YEATS4: variants seen among roughly 807,000 people sequenced by gnomAD.
YEATS4 encodes the protein YEATS domain-containing protein 4.
YEATS4 carries 17 observed loss-of-function variants against 30.1 expected under a neutral mutation model. The ratio of observed to expected loss-of-function variants is 0.56; its 90% CI spans 0.39 to 0.85. YEATS4 has a LOEUF of 0.85. Ranked by LOEUF, YEATS4 falls within the 40% of genes least tolerant of loss-of-function variation. The pLI is 0.00. For synonymous variants in YEATS4, 85 were observed against 87.5 expected (o/e 0.97, Z 0.16); for missense variants, 142 against 268.3 (o/e 0.53, Z 3.29).
At chr12:69,407,237 G>A in the YEATS4 span, among the ~76,000 whole-genome samples, 5 of 151,234 alleles carry the variant, frequency 3.3e-5, no homozygotes, top group African/African-American at 9.7e-5. Context: ...TTCCCTTTAA[G>A]AGCAAAGGTT....
the YEATS4 span, among the ~76,000 whole-genome samples, chr12:69,398,229 CA>C: frequency 2.0e-5 from 3 of 151,926 alleles, no homozygotes; most frequent in African/African-American, 7.3e-5. Flanking sequence ...GAATAAAAGT[CA>C]TCCAGATTAG....
chr12:69,424,255 A>C, the YEATS4 span, among the ~76,000 whole-genome samples: 3 of 152,180 alleles, frequency 2.0e-5, no homozygotes, highest in Non-Finnish European at 2.9e-5. Flanking sequence ...AATGCCTTAT[A>C]TGTGGCCATC....
At chr12:69,388,765 G>A (rs935150417) in intron 6 of YEATS4, among the ~76,000 whole-genome samples, 1 of 152,124 alleles carries the variant, frequency 6.6e-6, no homozygotes, top group Admixed American at 6.6e-5. Flanking sequence ...TCTGTACCAG[G>A]CAGTATTCTG....
chr12:69,384,797 A>G (rs1876207892), intron 6 of YEATS4, among the ~76,000 whole-genome samples: 1 of 152,220 alleles, frequency 6.6e-6, no homozygotes, highest in Non-Finnish European at 1.5e-5. Flanking sequence ...TGCAGAAAAT[A>G]TGGCAAAGAA....
At chr12:69,395,620 A>G (rs571649276), downstream of YEATS4, among the ~76,000 whole-genome samples, 54 of 152,348 alleles carry the variant, frequency 3.5e-4, no homozygotes, top group Non-Finnish European at 6.2e-4. Context: ...ATAAGAATGT[A>G]TTTCATTTGA....
intron 1 of YEATS4, among the ~76,000 whole-genome samples, chr12:69,360,932 TCA>T (rs1875176890): frequency 6.7e-6 from 1 of 148,482 alleles, no homozygotes; most frequent in South Asian, 2.3e-4. Flanking sequence ...GCAAGGTGGC[TCA>T]CGCCTGTAAT....
rs115409818 is a variant in YEATS4 at position 69,386,535 on chromosome 12, C to T, written c.515-3612C>T. ...TTGAATCCAGTCTACTCTTGTCGTT[C>T]CCTATGATTACCTCATAACATTAGT... On this transcript the variant is annotated intron_variant, in intron 6 of 6. Transcript: ENST00000247843. 2.6e-3 allele frequency among the ~76,000 whole-genome samples: 398 copies of T among 152,294 alleles called. 1 individual carries two copies. Among genetic ancestry groups the T allele is most frequent in the African/African-American group, 9.1e-3 (377 of 41,564 alleles).
intron 6 of YEATS4, among the ~76,000 whole-genome samples, chr12:69,389,450 CAAAA>C (rs11333279): frequency 4.0e-5 from 4 of 99,468 alleles, no homozygotes; most frequent in South Asian, 3.6e-4. Context: ...GACTCCATCT[CAAAA>C]AAAAAAAAAA....
chr12:69,404,238 C>A, the YEATS4 span, among the ~76,000 whole-genome samples: 6 of 152,164 alleles, frequency 3.9e-5, no homozygotes, highest in Non-Finnish European at 7.4e-5. Flanking sequence ...AACTTATCTC[C>A]TATTTCAATC....
chr12:69,398,656 A>T, the YEATS4 span, among the ~76,000 whole-genome samples: 1 of 151,810 alleles, frequency 6.6e-6, no homozygotes, highest in East Asian at 1.9e-4. Context: ...CTACTAAAAA[A>T]ATATAAAAAT....
downstream of YEATS4, among the ~76,000 whole-genome samples, chr12:69,394,872 A>G (rs1349471371): frequency 6.6e-6 from 1 of 152,162 alleles, no homozygotes; most frequent in African/African-American, 2.4e-5. Context: ...ATGAGCCACC[A>G]TGCCTAGCTT....
intron 6 of YEATS4, among the ~76,000 whole-genome samples, chr12:69,377,351 T>G (rs1048910833): frequency 6.6e-6 from 1 of 152,234 alleles, no homozygotes; most frequent in African/African-American, 2.4e-5. Context: ...CTGTGTTGTT[T>G]CCATTATCTG....
At chr12:69,367,026 A>G (rs1292228240) in intron 4 of YEATS4, among the ~76,000 whole-genome samples, 1 of 152,174 alleles carries the variant, frequency 6.6e-6, no homozygotes, top group African/African-American at 2.4e-5. Flanking sequence ...AATGACGTAG[A>G]CTTACTCTTT....
the YEATS4 span, among the ~76,000 whole-genome samples, chr12:69,399,550 T>TA: frequency 2.0e-5 from 3 of 152,164 alleles, no homozygotes; most frequent in Admixed American, 6.5e-5. Flanking sequence ...GGTAAAAATG[T>TA]AAAAAGATGC....
At chr12:69,398,821 A>C in the YEATS4 span, among the ~76,000 whole-genome samples, 1 of 133,970 alleles carries the variant, frequency 7.5e-6, no homozygotes, top group Non-Finnish European at 1.6e-5. Context: ...TCTCAAAAAA[A>C]AAAAAAAACG....
At chr12:69,381,825 A>C (rs541225207) in intron 6 of YEATS4, among the ~76,000 whole-genome samples, 1 of 152,194 alleles carries the variant, frequency 6.6e-6, no homozygotes, top group South Asian at 2.1e-4. Flanking sequence ...AGGCTTGTTC[A>C]TTCTCTTGAT....
At chr12:69,403,493 C>T in the YEATS4 span, among the ~76,000 whole-genome samples, 629 of 151,158 alleles carry the variant, frequency 4.2e-3, 5 homozygotes, top group African/African-American at 0.015. Context: ...AGCAGAATCC[C>T]TTGAACCTGA....
chr12:69,376,367 G>GAATA (rs1172715487), intron 6 of YEATS4, among the ~76,000 whole-genome samples: 2 of 152,024 alleles, frequency 1.3e-5, no homozygotes, highest in Non-Finnish European at 2.9e-5. Context: ...CTCTCTCTCA[G>GAATA]AATAAATAAA....
intron 6 of YEATS4, among the ~76,000 whole-genome samples, chr12:69,372,826 C>T (rs113800324): frequency 0.024 from 3,670 of 152,246 alleles, 63 homozygotes; most frequent in Non-Finnish European, 0.04. Flanking sequence ...GCATGAGCCA[C>T]CACACCCAGC....
Sources: allele counts gnomAD v4.1 joint callset (sites outside exome capture counted in the v4.1 genomes callset), GRCh38; gene constraint gnomAD v4.1.1; transcripts MANE v1.5; gene names NCBI Gene and HGNC (gene_info 2026-07-23, HGNC 2026-07-21).